KCNIP4: variants seen among roughly 807,000 people sequenced by gnomAD.
The protein encoded by KCNIP4 is potassium voltage-gated channel interacting protein 4.
In KCNIP4, 12 loss-of-function variants were observed where a neutral mutation model predicts 34.0. That is an observed-to-expected ratio of 0.35 (90% confidence interval 0.23 to 0.57). The LOEUF is 0.57. Ranked by LOEUF, KCNIP4 falls within the 20% of genes least tolerant of loss-of-function variation. The pLI, the probability that KCNIP4 is intolerant of heterozygous loss-of-function variation, is 0.83. For missense variants in KCNIP4, 238 were observed against 311.7 expected (o/e 0.76, Z 1.78); for synonymous variants, 124 against 102.2 (o/e 1.21, Z -1.29).
Position 21,367,451 on chromosome 4 carries a change from C to T in KCNIP4, c.62-484742G>A, listed in dbSNP as rs11935922. 1.3e-3 allele frequency among the ~76,000 whole-genome samples: 201 copies of T among 151,868 alleles called. 13 individuals are homozygous for T. Among genetic ancestry groups the T allele is most frequent in the African/African-American group, 4.7e-3 (195 of 41,208 alleles). ...ATTAGGGTCTGAGCCAAGCACTGTCCTGTATGCTGGAGACTCTACCTAACT... is the reference window on the plus strand; with the variant it reads ...ATTAGGGTCTGAGCCAAGCACTGTCTTGTATGCTGGAGACTCTACCTAACT... On this transcript the variant is annotated intron_variant, in intron 1 of 8. Transcript: ENST00000382152.
intron 2 of KCNIP4, among the ~76,000 whole-genome samples, chr4:20,855,599 G>T (rs1721491479): frequency 6.6e-6 from 1 of 151,990 alleles, no homozygotes; most frequent in Non-Finnish European, 1.5e-5. Context: ...CTCTCACTTG[G>T]CAAGGAAGAG....
chr4:21,213,148 G>A (rs1197270218), intron 1 of KCNIP4, among the ~76,000 whole-genome samples: 1 of 152,108 alleles, frequency 6.6e-6, no homozygotes, highest in Non-Finnish European at 1.5e-5. Context: ...GTCAGCCATG[G>A]GAGATATCAT....
intron 1 of KCNIP4, among the ~76,000 whole-genome samples, chr4:21,017,651 T>C (rs957733566): frequency 7.9e-5 from 12 of 152,214 alleles, no homozygotes; most frequent in African/African-American, 2.9e-4. Context: ...GCAAGGAACA[T>C]ATGTGTGCAT....
chr4:21,033,372 T>C (rs780046541), intron 1 of KCNIP4, among the ~76,000 whole-genome samples: 1 of 152,208 alleles, frequency 6.6e-6, no homozygotes, highest in Non-Finnish European at 1.5e-5. Context: ...GTTTAGAATT[T>C]TGACCATCAT....
At position 20,729,622 on chromosome 4, in the gene KCNIP4, A is replaced by AAC; in HGVS notation, c.*459_*460insGT. On this transcript the variant is annotated 3_prime_UTR_variant, in exon 9 of 9. Transcript: ENST00000382152. The stretch of plus-strand genomic sequence containing the variant: ...CCTTAAAGTATATAAATGGAATTTA[A>AAC]ATGGAATTACAGCATTCAAACATGA... 6.7e-6 allele frequency: 1 copy of AAC among 148,472 alleles called. No homozygotes were observed. Among genetic ancestry groups the AAC allele is most frequent in the African/African-American group, 2.5e-5 (1 of 39,450 alleles). 9.2% of individuals were successfully genotyped at this position (148,472 alleles called of 1,614,324 possible). A position where few individuals can be genotyped will look rare whatever the true frequency, so the allele number is the denominator to read the frequency against.
intron 1 of KCNIP4, among the ~76,000 whole-genome samples, chr4:21,665,374 G>A (rs1748768942): frequency 6.6e-6 from 1 of 152,024 alleles, no homozygotes; most frequent in Admixed American, 6.6e-5. Context: ...TTAATTCAAA[G>A]ACTAAATGCA....
intron 1 of KCNIP4, among the ~76,000 whole-genome samples, chr4:21,323,288 A>C (rs1317780696): frequency 6.6e-6 from 1 of 151,788 alleles, no homozygotes; most frequent in African/African-American, 2.4e-5. Context: ...TTATGCTCTT[A>C]GTCATTTCAA....
intron 3 of KCNIP4, among the ~76,000 whole-genome samples, chr4:20,839,198 C>T (rs1178516294): frequency 6.6e-6 from 1 of 151,852 alleles, no homozygotes; most frequent in Non-Finnish European, 1.5e-5. Context: ...ATAATATTAC[C>T]ATTGCGATAA....
intron 1 of KCNIP4, among the ~76,000 whole-genome samples, chr4:21,507,409 G>T (rs1345895230): frequency 2.6e-5 from 4 of 151,762 alleles, no homozygotes; most frequent in Admixed American, 1.3e-4. Flanking sequence ...GGACTACAGG[G>T]ACATGCCGAC....
intron 1 of KCNIP4, among the ~76,000 whole-genome samples, chr4:21,830,532 C>T (rs148143499): frequency 6.6e-5 from 10 of 151,906 alleles, no homozygotes; most frequent in East Asian, 3.9e-4. Flanking sequence ...TACAAAAATT[C>T]GCCGGGTGCC....
intron 1 of KCNIP4, among the ~76,000 whole-genome samples, chr4:21,329,247 A>G (rs1228158825): frequency 2.6e-5 from 4 of 152,232 alleles, no homozygotes; most frequent in African/African-American, 7.2e-5. Context: ...AATTATCTAC[A>G]ATATTAAAAA....
At chr4:21,400,540 CTTCT>C (rs1723445592) in intron 1 of KCNIP4, among the ~76,000 whole-genome samples, 8 of 97,408 alleles carry the variant, frequency 8.2e-5, no homozygotes, top group African/African-American at 3.9e-4. Context: ...CTTCTCTTCT[CTTCT>C]CTTCTCTTCT....
chr4:21,699,744 C>G (rs1467008970), intron 1 of KCNIP4, among the ~76,000 whole-genome samples: 1 of 152,096 alleles, frequency 6.6e-6, no homozygotes, highest in Non-Finnish European at 1.5e-5. Context: ...TCCGGGGCTA[C>G]AGTATGTGAA....
chr4:21,403,159 C>T (rs1434533363), intron 1 of KCNIP4, among the ~76,000 whole-genome samples: 1 of 152,206 alleles, frequency 6.6e-6, no homozygotes, highest in Admixed American at 6.5e-5. Context: ...CTTGACAAAG[C>T]TTTCTGTCTC....
intron 1 of KCNIP4, among the ~76,000 whole-genome samples, chr4:21,057,226 G>A (rs951164072): frequency 2.0e-5 from 3 of 152,086 alleles, no homozygotes; most frequent in African/African-American, 4.8e-5. Flanking sequence ...AAATCAATTA[G>A]TTCATATTGA....
At chr4:21,248,550 A>T (rs1437731576) in intron 1 of KCNIP4, among the ~76,000 whole-genome samples, 1 of 152,120 alleles carries the variant, frequency 6.6e-6, no homozygotes, top group Non-Finnish European at 1.5e-5. Context: ...AGCCAGGCAG[A>T]TGGCATGGTA....
At chr4:21,178,525 T>TTC in intron 1 of KCNIP4, among the ~76,000 whole-genome samples, 1 of 146,470 alleles carries the variant, frequency 6.8e-6, no homozygotes, top group African/African-American at 2.8e-5. Flanking sequence ...GGATAGTTAT[T>TTC]TAAGTCCCAT....
At chr4:20,944,853 G>C (rs76201343) in intron 1 of KCNIP4, among the ~76,000 whole-genome samples, 1,888 of 119,936 alleles carry the variant, frequency 0.016, 20 homozygotes, top group Non-Finnish European at 0.025. Flanking sequence ...TCAAATTTCT[G>C]TTTTCTGAGC....
chr4:21,628,591 G>A (rs1288425971), intron 1 of KCNIP4, among the ~76,000 whole-genome samples: 1 of 152,116 alleles, frequency 6.6e-6, no homozygotes, highest in African/African-American at 2.4e-5. Flanking sequence ...ATTTCATTTA[G>A]AGAAATGTCA....
Sources: allele counts gnomAD v4.1 joint callset (sites outside exome capture counted in the v4.1 genomes callset), GRCh38; gene constraint gnomAD v4.1.1; transcripts MANE v1.5; gene names NCBI Gene and HGNC (gene_info 2026-07-23, HGNC 2026-07-21).